Variants in ADAMTSL3 observed in about 807,000 individuals in gnomAD.
ADAMTSL3 encodes the protein ADAMTS like 3, also known as ADAMTS-like protein 3.
In ADAMTSL3, 128 loss-of-function variants were observed where a neutral mutation model predicts 201.7. That is an observed-to-expected ratio of 0.63 (90% confidence interval 0.55 to 0.73). ADAMTSL3 has a LOEUF of 0.73. ADAMTSL3 is among the 30% of genes least tolerant of loss of function. The probability of loss-of-function intolerance (pLI) is 0.00; values close to 1 mark genes in which losing one functional copy is unlikely to be tolerated. For missense variants in ADAMTSL3, 1,990 were observed against 2,119.6 expected (o/e 0.94, Z 1.20); for synonymous variants, 738 against 748.4 (o/e 0.99, Z 0.23).
chr15:83,722,979 T>G (rs974369458), intron 3 of ADAMTSL3, among the ~76,000 whole-genome samples: 1 of 152,138 alleles, frequency 6.6e-6, no homozygotes, highest in East Asian at 1.9e-4. Context: ...TAAAATGTAT[T>G]GATGGATTTA....
chr15:83,749,654 G>C, intron 3 of ADAMTSL3, among the ~76,000 whole-genome samples: 1 of 152,164 alleles, frequency 6.6e-6, no homozygotes, highest in East Asian at 1.9e-4. Context: ...GCAGTGGGGA[G>C]GTGTTACTAA....
intron 3 of ADAMTSL3, among the ~76,000 whole-genome samples, chr15:83,749,283 C>T (rs1165205241): frequency 6.6e-6 from 1 of 152,132 alleles, no homozygotes; most frequent in Non-Finnish European, 1.5e-5. Flanking sequence ...TTCCCCTGGC[C>T]AGGGATGTGA....
intron 2 of ADAMTSL3, among the ~76,000 whole-genome samples, chr15:83,672,511 G>T (rs906151675): frequency 6.6e-6 from 1 of 152,204 alleles, no homozygotes; most frequent in Non-Finnish European, 1.5e-5. Context: ...ATTGTAGATC[G>T]TAGCAGAAAG....
At chr15:83,759,028 G>A (rs971396298) in intron 3 of ADAMTSL3, among the ~76,000 whole-genome samples, 4 of 152,146 alleles carry the variant, frequency 2.6e-5, no homozygotes, top group Admixed American at 2.6e-4. Context: ...TGTTGCTGTG[G>A]AGAAGGCAGA....
rs985871002 is a variant in ADAMTSL3, at chr15:83,782,986, TTATA to T, written c.317+9341_317+9344del. Among the ~76,000 whole-genome samples, 3 of 147,952 alleles carry T rather than the reference TTATA, an allele frequency of 2.0e-5. No individual in the cohort carries two copies. The Admixed American group carries it at 2.0e-4, about 10-fold the overall frequency. On this transcript the variant is annotated intron_variant, in intron 4 of 29. Coordinates refer to ENST00000286744, the MANE Select transcript of ADAMTSL3 (RefSeq NM_207517.3). ...TATACATATATTATATATATACATA[TTATA>T]TATACACATATATATTATATATACA...
At chr15:83,688,848 C>T (rs988528050) in intron 2 of ADAMTSL3, among the ~76,000 whole-genome samples, 6 of 152,000 alleles carry the variant, frequency 3.9e-5, no homozygotes, top group African/African-American at 1.2e-4. Flanking sequence ...CTTGCTCTGT[C>T]GCCAGGCTAG....
At chr15:84,037,625 T>G in intron 29 of ADAMTSL3, 75 bp from the exon 30 acceptor site, 3 of 1,463,660 alleles carry the variant, frequency 2.0e-6, no homozygotes, top group Non-Finnish European at 2.7e-6. Context: ...ATTTATGGCT[T>G]TTCATAAAGT....
At chr15:83,824,346 C>T (rs75745851) in intron 6 of ADAMTSL3, among the ~76,000 whole-genome samples, 4 of 151,970 alleles carry the variant, frequency 2.6e-5, no homozygotes, top group African/African-American at 9.7e-5. Flanking sequence ...ATTTTAGATT[C>T]ACAACAAAAT....
chr15:83,982,374 C>T lies in ADAMTSL3; in HGVS notation c.2746C>T (p.Leu916=). Residue 916 remains leucine (L), a synonymous_variant, in exon 21 of 30, where the codon CTG becomes TTG. Transcript: ENST00000286744. The stretch of plus-strand genomic sequence containing the variant: ...GACAAGGGAAGAGAAGCGTATTAAC[C>T]TGACCATTGGTAGCAGAGCCTATTT... ...IQTREEKRIN[L]TIGSRAYLLP... is the part of the protein sequence containing the mutation. The T allele has an allele frequency of 1.2e-6, 2 of 1,614,048 alleles. No individual in the cohort carries two copies. The highest frequency in any genetic ancestry group is 1.7e-6 in the Non-Finnish European group (2 of 1,180,020).
At position 83,800,271 on chromosome 15, in the gene ADAMTSL3, C is replaced by A. The variant is rs113719588; in HGVS notation, c.318-4379C>A. 7.0e-4 allele frequency among the ~76,000 whole-genome samples: 107 copies of A among 152,226 alleles called. 1 individual carries two copies. Among genetic ancestry groups the A allele is most frequent in the African/African-American group, 2.5e-3 (104 of 41,562 alleles). On this transcript the variant is annotated intron_variant, in intron 4 of 29. Coordinates refer to ENST00000286744, the MANE Select transcript of ADAMTSL3 (RefSeq NM_207517.3). ...AATGGTGCATTATGTTTTGAAAATT[C>A]GTGACATAAAATGCTCTCTTTTTCA...
At chr15:83,667,869 G>A (rs2061270653) in intron 2 of ADAMTSL3, among the ~76,000 whole-genome samples, 1 of 152,110 alleles carries the variant, frequency 6.6e-6, no homozygotes, top group South Asian at 2.1e-4. Flanking sequence ...GGGTGGAAGA[G>A]CAACCCTTTC....
intron 2 of ADAMTSL3, among the ~76,000 whole-genome samples, chr15:83,658,433 C>T (rs1344399198): frequency 6.6e-6 from 1 of 152,176 alleles, no homozygotes; most frequent in African/African-American, 2.4e-5. Flanking sequence ...TTTATTGAAT[C>T]AGCTAAAATG....
chr15:83,784,068 A>G (rs997295224), intron 4 of ADAMTSL3, among the ~76,000 whole-genome samples: 2 of 152,042 alleles, frequency 1.3e-5, no homozygotes, highest in Non-Finnish European at 2.9e-5. Flanking sequence ...ACAAGAAAAA[A>G]CATTGCCTTT....
intron 3 of ADAMTSL3, among the ~76,000 whole-genome samples, chr15:83,748,097 A>G (rs1420861868): frequency 1.3e-5 from 2 of 152,178 alleles, no homozygotes; most frequent in Admixed American, 6.5e-5. Context: ...AATACAAATC[A>G]AACTTATTCT....
At chr15:83,958,030 G>A (rs747553819) in intron 19 of ADAMTSL3, among the ~76,000 whole-genome samples, 8 of 152,076 alleles carry the variant, frequency 5.3e-5, no homozygotes, top group Non-Finnish European at 7.3e-5. Flanking sequence ...AACAACAGAG[G>A]TAATTTTAAC....
intron 2 of ADAMTSL3, among the ~76,000 whole-genome samples, chr15:83,697,866 C>A (rs1279594910): frequency 1.3e-5 from 2 of 152,118 alleles, no homozygotes; most frequent in Non-Finnish European, 2.9e-5. Flanking sequence ...ACTGAAAGTT[C>A]CAACCCTCTA....
intron 16 of ADAMTSL3, among the ~76,000 whole-genome samples, chr15:83,919,119 G>T (rs2141977670): frequency 6.6e-6 from 1 of 152,256 alleles, no homozygotes; most frequent in South Asian, 2.1e-4. Flanking sequence ...CTTCCAAGTG[G>T]AGATGCTAAG....
chr15:83,713,794 A>C (rs983556123), intron 3 of ADAMTSL3, among the ~76,000 whole-genome samples: 1 of 152,202 alleles, frequency 6.6e-6, no homozygotes, highest in African/African-American at 2.4e-5. Context: ...CTTATTCAGA[A>C]ATGTTTCCTT....
intron 17 of ADAMTSL3, among the ~76,000 whole-genome samples, chr15:83,930,269 CAT>C (rs923943320): frequency 3.0e-4 from 45 of 152,284 alleles, no homozygotes; most frequent in African/African-American, 1.0e-3. Context: ...ATTTTTCACT[CAT>C]GTCTTCAAAT....
Sources: allele counts gnomAD v4.1 joint callset (sites outside exome capture counted in the v4.1 genomes callset), GRCh38; gene constraint gnomAD v4.1.1; transcripts MANE v1.5; gene names NCBI Gene and HGNC (gene_info 2026-07-23, HGNC 2026-07-21).